Variants in EFCAB6 observed in about 807,000 individuals in gnomAD.
EFCAB6 encodes EF-hand calcium-binding domain-containing protein 6.
EFCAB6 carries 156 observed loss-of-function variants against 169.8 expected under a neutral mutation model. That is an observed-to-expected ratio of 0.92 (90% CI 0.81 to 1.05). The LOEUF (loss-of-function observed/expected upper bound fraction) is 1.05. EFCAB6 is among the 50% of genes least tolerant of loss of function. The pLI is 0.00. For synonymous variants in EFCAB6, 698 were observed against 676.4 expected (o/e 1.03, Z -0.50); for missense variants, 1,800 against 1,829.1 (o/e 0.98, Z 0.29).
chr22:43,648,495 G>C (rs2148034653), intron 17 of EFCAB6, among the ~76,000 whole-genome samples: 1 of 152,286 alleles, frequency 6.6e-6, no homozygotes, highest in Middle Eastern at 3.4e-3. Flanking sequence ...CTGATAAGTG[G>C]GAGCTAAGCA....
intron 22 of EFCAB6, among the ~76,000 whole-genome samples, chr22:43,602,445 G>A (rs1353408378): frequency 1.3e-5 from 2 of 152,162 alleles, no homozygotes; most frequent in African/African-American, 4.8e-5. Context: ...TGCTGGTAAT[G>A]CTAAGATGGC....
intron 20 of EFCAB6, among the ~76,000 whole-genome samples, chr22:43,620,316 GAAAAGAAAAGAA>G (rs370229094): frequency 6.8e-4 from 103 of 151,104 alleles, no homozygotes; most frequent in Non-Finnish European, 1.3e-3. Context: ...GTTAAAAAAA[GAAAAGAAAAGAA>G]AAAAGAAAAG....
chr22:43,725,236 G>C (rs1031377800), intron 8 of EFCAB6, among the ~76,000 whole-genome samples: 6 of 151,330 alleles, frequency 4.0e-5, no homozygotes, highest in Non-Finnish European at 7.4e-5. Flanking sequence ...CCGCCTACCG[G>C]GTTCAAGCAA....
chr22:43,805,584 T>C (rs2062889136), intron 2 of EFCAB6, among the ~76,000 whole-genome samples: 1 of 152,136 alleles, frequency 6.6e-6, no homozygotes, highest in Admixed American at 6.5e-5. Context: ...AGAGGTTGAT[T>C]AATGGGTACA....
intron 24 of EFCAB6, among the ~76,000 whole-genome samples, chr22:43,585,256 T>C (rs955022104): frequency 2.0e-5 from 3 of 151,402 alleles, no homozygotes; most frequent in Non-Finnish European, 4.4e-5. Context: ...TAATCAGAGA[T>C]GGAAACTCTA....
At chr22:43,566,316 C>G (rs1043640649) in intron 26 of EFCAB6, among the ~76,000 whole-genome samples, 1 of 152,250 alleles carries the variant, frequency 6.6e-6, no homozygotes, top group Non-Finnish European at 1.5e-5. Context: ...TCTTACCACA[C>G]AAGGATTCCT....
intron 17 of EFCAB6, among the ~76,000 whole-genome samples, chr22:43,664,852 G>T (rs2057171642): frequency 6.6e-6 from 1 of 152,110 alleles, no homozygotes; most frequent in African/African-American, 2.4e-5. Flanking sequence ...TCCACTGAGG[G>T]GTCGCTCTGG....
chr22:43,649,719 G>GA (rs751007912), intron 17 of EFCAB6, among the ~76,000 whole-genome samples: 4 of 152,118 alleles, frequency 2.6e-5, no homozygotes, highest in African/African-American at 9.7e-5. Flanking sequence ...GAAAAAGACA[G>GA]AAAAAATGCA....
chr22:43,550,886 C>T (rs1253400977), intron 27 of EFCAB6, among the ~76,000 whole-genome samples: 1 of 152,084 alleles, frequency 6.6e-6, no homozygotes, highest in Non-Finnish European at 1.5e-5. Flanking sequence ...AAGACCCATC[C>T]ATTTCCAACT....
intron 6 of EFCAB6, among the ~76,000 whole-genome samples, chr22:43,753,350 C>T (rs147037233): frequency 6.6e-6 from 1 of 152,320 alleles, no homozygotes; most frequent in African/African-American, 2.4e-5. Context: ...GAGGAATGCG[C>T]CAGGACTTAG....
chr22:43,653,721 G>A (rs2056596325), intron 17 of EFCAB6, among the ~76,000 whole-genome samples: 1 of 152,152 alleles, frequency 6.6e-6, no homozygotes, highest in African/African-American at 2.4e-5. Context: ...TTGACAAATT[G>A]CTGGAGGCTG....
At chr22:43,766,332 C>T (rs990550881) in intron 4 of EFCAB6, among the ~76,000 whole-genome samples, 1 of 151,608 alleles carries the variant, frequency 6.6e-6, no homozygotes. Flanking sequence ...CACACCTGGC[C>T]CCCCTCAAGT....
intron 8 of EFCAB6, among the ~76,000 whole-genome samples, chr22:43,725,917 T>C (rs1246391747): frequency 1.3e-5 from 2 of 152,196 alleles, no homozygotes; most frequent in Non-Finnish European, 2.9e-5. Context: ...GGAAAAATGA[T>C]GGAACTAAGA....
intron 23 of EFCAB6, 89 bp downstream of exon 23, chr22:43,599,980 G>C: frequency 7.3e-7 from 1 of 1,362,086 alleles, no homozygotes; most frequent in Admixed American, 2.2e-5. Flanking sequence ...GCCAGCATGG[G>C]AAGGTACCAT....
Position 43,576,107 on chromosome 22 carries a change from CAAAGT to C in EFCAB6, c.3420+185_3420+189del, listed in dbSNP as rs1569183968. 2.6e-5 allele frequency among the ~76,000 whole-genome samples: 4 copies of C among 152,224 alleles called. No homozygotes were observed. In the East Asian group the frequency reaches 7.7e-4, roughly 29 times the overall value. ...AATAAAATAAAATAAAAATTTCCAA[CAAAGT>C]AAAGGATGCATATTCACCTTCTAAT... On this transcript the variant is annotated intron_variant, in intron 26 of 31. Coordinates refer to ENST00000262726, the MANE Select transcript of EFCAB6 (RefSeq NM_022785.4).
At chr22:43,731,656 A>G in intron 8 of EFCAB6, 43 bp downstream of exon 8, 1 of 1,247,564 alleles carries the variant, frequency 8.0e-7, no homozygotes, top group Non-Finnish European at 1.1e-6. Context: ...TACCATGCCA[A>G]AAGATATTGA....
At position 43,537,610 on chromosome 22, in the gene EFCAB6, C is replaced by T. The variant is rs2035083740; in HGVS notation, c.3880-65G>A. On this transcript the variant is annotated intron_variant, in intron 28 of 31. Coordinates refer to ENST00000262726, the MANE Select transcript of EFCAB6 (RefSeq NM_022785.4). The surrounding 1 kb of genome is among the most constrained non-coding windows in gnomAD (Gnocchi z 4.3). ...TTTAAAACGGAAGTCATCAAAAATACCTCAATACCTCCAGTTTTGAGGTTC... is the reference window on the plus strand; with the variant it reads ...TTTAAAACGGAAGTCATCAAAAATATCTCAATACCTCCAGTTTTGAGGTTC... 6.6e-7 allele frequency: 1 copy of T among 1,522,858 alleles called. No individual in the cohort carries two copies. The highest frequency in any genetic ancestry group is 8.8e-7 in the Non-Finnish European group (1 of 1,131,468). The allele number at this position is 1,522,858 out of a possible 1,614,324, so 94.3% of individuals were successfully genotyped here. A position where few individuals can be genotyped will look rare whatever the true frequency, so the allele number is the denominator to read the frequency against.
At chr22:43,776,582 T>A (rs1459433594) in intron 3 of EFCAB6, among the ~76,000 whole-genome samples, 1 of 152,076 alleles carries the variant, frequency 6.6e-6, no homozygotes, top group Non-Finnish European at 1.5e-5. Context: ...AGGATAAAAA[T>A]GAGCCAGCCA....
intron 6 of EFCAB6, among the ~76,000 whole-genome samples, chr22:43,751,033 G>T (rs2060739039): frequency 6.6e-6 from 1 of 152,210 alleles, no homozygotes; most frequent in South Asian, 2.1e-4. Flanking sequence ...TGGCATCATG[G>T]TGCCTGAACC....
Sources: gnomAD v4.1 joint callset for allele counts (sites outside exome capture counted in the v4.1 genomes callset) on GRCh38, gnomAD v4.1.1 for gene constraint, Gnocchi (gnomAD v3.1) non-coding constraint, MANE v1.5 for transcripts, NCBI Gene and HGNC (gene_info 2026-07-23, HGNC 2026-07-21) for gene names.